SLC4A1: variants seen among roughly 807,000 people sequenced by gnomAD.
The protein encoded by SLC4A1 is solute carrier family 4 member 1 (Diego blood group).
In SLC4A1, 29 loss-of-function variants were observed where a neutral mutation model predicts 93.1. The ratio of observed to expected loss-of-function variants is 0.31; its 90% confidence interval spans 0.23 to 0.42. The LOEUF (loss-of-function observed/expected upper bound fraction) is 0.42, where lower values mean the gene tolerates loss of function less well. Ranked by LOEUF, SLC4A1 falls within the 20% of genes least tolerant of loss-of-function variation. SLC4A1 has a pLI of 1.00. For synonymous variants in SLC4A1, 469 were observed against 497.2 expected, an observed-to-expected ratio of 0.94 and a Z score of 0.76; for missense variants, 965 against 1,190.1, an observed-to-expected ratio of 0.81 and a Z score of 2.78.
rs750795700 is a variant in SLC4A1, at chr17:44,258,284, C to T, written c.1088-104G>A. 169 of 1,424,270 alleles carry T rather than the reference C, an allele frequency of 1.2e-4. 1 individual carries two copies. Among genetic ancestry groups the T allele is most frequent in the Non-Finnish European group, 1.5e-4 (156 of 1,011,306 alleles). 88.2% of individuals were successfully genotyped at this position (1,424,270 alleles called of 1,614,324 possible). On this transcript the variant is annotated intron_variant, in intron 10 of 19. Transcript: ENST00000262418. The surrounding 1 kb of genome is among the most constrained non-coding windows in gnomAD (Gnocchi z 6.1). ...AGATTGTCTGATGGGAATGGGGCGG[C>T]GAAGAAGTCTGGAAGATGTGGGCAA...
intron 19 of SLC4A1, among the ~76,000 whole-genome samples, chr17:44,250,938 C>T (rs146009408): frequency 1.3e-5 from 2 of 152,338 alleles, no homozygotes; most frequent in East Asian, 3.9e-4. Context: ...ACGCTCTCCC[C>T]AGTCGTGCCA....
rs576351762 is a variant in SLC4A1, at chr17:44,259,907, C to A, written c.511G>T (p.Gly171Trp). The change falls in exon 7 of 20, where the codon GGG (glycine) becomes TGG (tryptophan). Residue 171 changes from glycine to tryptophan, a missense_variant. This residue lies in a region of SLC4A1 where 770 missense variants were observed against 1,006.6 expected (regional missense o/e 0.76). Coordinates refer to ENST00000262418, the MANE Select transcript of SLC4A1 (RefSeq NM_000342.4). ...GTCAGGACTGCAGGCTTCACACCCCCCAGGGCCTCCAGCTCTCCAGCGTGG... is the reference window on the plus strand; with the variant it reads ...GTCAGGACTGCAGGCTTCACACCCCACAGGGCCTCCAGCTCTCCAGCGTGG... ...HSHAGELEAL[G>W]GVKPAVLTRS... The A allele has an allele frequency of 6.8e-6, 11 of 1,614,038 alleles. No individual in the cohort carries two copies. The East Asian group carries it at 2.0e-4, about 29-fold the overall frequency.
rs747517534 is a variant in SLC4A1 at position 44,258,053 on chromosome 17, G to A, written c.1215C>T (p.Val405=). The A allele has an allele frequency of 6.2e-7, 1 of 1,614,084 alleles. No individual in the cohort carries two copies. The change falls in exon 11 of 20, where the codon GTC becomes GTT. Residue 405 remains valine, a synonymous_variant. Coordinates refer to ENST00000262418, the MANE Select transcript of SLC4A1 (RefSeq NM_000342.4). This position sits in a 1 kb window ranked among gnomAD's most constrained non-coding sequence, Gnocchi z 6.1. The stretch of plus-strand genomic sequence containing the variant: ...AGTAGATGAAGATGACGGCAGCCAG[G>A]ACCTGGGGGCTGAATGCATCTGTGA... ...SDITDAFSPQ[V]LAAVIFIYFA... is the part of the protein sequence containing the mutation.
intron 1 of SLC4A1, among the ~76,000 whole-genome samples, chr17:44,264,440 A>G (rs972732146): frequency 1.3e-5 from 2 of 152,234 alleles, no homozygotes. Context: ...CCTGGGTGAC[A>G]GAGTGAGACT....
At chr17:44,260,897 G>GTGCT in intron 4 of SLC4A1, 82 bp from the exon 5 acceptor site, 1 of 1,480,706 alleles carries the variant, frequency 6.8e-7, no homozygotes, top group Non-Finnish European at 9.3e-7. Context: ...AGAGAGGCTT[G>GTGCT]TGCTTGTGAG....
At position 44,250,288 on chromosome 17, in the gene SLC4A1, T is replaced by C; in HGVS notation, c.*170A>G. ...CCCAGCCAGAAAAGCCAGGCTACCC[T>C]TTGTGGAAGGTCTCCTGGACACGCC... is the stretch of plus-strand genomic sequence containing the variant. On this transcript the variant is annotated 3_prime_UTR_variant, in exon 20 of 20. Coordinates refer to ENST00000262418, the MANE Select transcript of SLC4A1 (RefSeq NM_000342.4). 1 of 630,158 alleles carries C rather than the reference T, an allele frequency of 1.6e-6. No individual in the cohort carries two copies. 39.0% of individuals were successfully genotyped at this position (630,158 alleles called of 1,614,324 possible).
At position 44,248,711 on chromosome 17, in the gene SLC4A1, G is replaced by T. The variant is rs1030326867; in HGVS notation, c.*1747C>A. ...ATGGGCGAAGTGGTGAAAGGTGGGT[G>T]TCAGCTTTCAGGGACAGGAGAGCCT... On this transcript the variant is annotated 3_prime_UTR_variant, in exon 20 of 20. Transcript: ENST00000262418. 6.4e-6 allele frequency: 1 copy of T among 155,894 alleles called. No homozygotes were observed. Among genetic ancestry groups the T allele is most frequent in the African/African-American group, 2.4e-5 (1 of 41,430 alleles). The allele number at this position is 155,894 out of a possible 1,614,324, so 9.7% of individuals were successfully genotyped here. A position where few individuals can be genotyped will look rare whatever the true frequency, so the allele number is the denominator to read the frequency against.
rs1276556377 is a variant in SLC4A1, at chr17:44,250,326, C to T, written c.*132G>A. 2.6e-6 allele frequency: 2 copies of T among 768,702 alleles called. No homozygotes were observed. The highest frequency in any genetic ancestry group is 4.5e-6 in the Non-Finnish European group (2 of 444,052). 47.6% of individuals were successfully genotyped at this position (768,702 alleles called of 1,614,324 possible). On this transcript the variant is annotated 3_prime_UTR_variant, in exon 20 of 20. Transcript: ENST00000262418. ...TCCTGGACACGCCTTCCTTCCCCAC[C>T]CACAGCCCTGGGGCCTCAGCTGCTG...
At chr17:44,262,784 A>G (rs1019803971) in intron 2 of SLC4A1, 58 bp from the exon 3 acceptor site, 1 of 1,609,060 alleles carries the variant, frequency 6.2e-7, no homozygotes, top group Non-Finnish European at 8.5e-7. Flanking sequence ...CCCAACGAAG[A>G]TAGGAGTCTA....
At chr17:44,256,740 A>G (rs2047392304) in intron 13 of SLC4A1, among the ~76,000 whole-genome samples, 1 of 152,206 alleles carries the variant, frequency 6.6e-6, no homozygotes, top group African/African-American at 2.4e-5. Context: ...ACATGTGCAC[A>G]CAGAGGCACC....
Position 44,258,257 on chromosome 17 carries a change from G to A in SLC4A1, c.1088-77C>T. 1 of 1,490,528 alleles carries A rather than the reference G, an allele frequency of 6.7e-7. No homozygotes were observed. Among genetic ancestry groups the A allele is most frequent in the South Asian group, 1.1e-5 (1 of 88,536 alleles). 92.3% of individuals were successfully genotyped at this position (1,490,528 alleles called of 1,614,324 possible). ...GGGAAAGGGGACTGGAGGGTGTAGGGGAGATTGTCTGATGGGAATGGGGCG... is the reference window on the plus strand; with the variant it reads ...GGGAAAGGGGACTGGAGGGTGTAGGAGAGATTGTCTGATGGGAATGGGGCG... On this transcript the variant is annotated intron_variant, in intron 10 of 19. Transcript: ENST00000262418. This position sits in a 1 kb window ranked among gnomAD's most constrained non-coding sequence, Gnocchi z 6.1.
At chr17:44,255,605 T>C in intron 14 of SLC4A1, 68 bp downstream of exon 14, 2 of 1,505,696 alleles carry the variant, frequency 1.3e-6, no homozygotes, top group South Asian at 1.1e-5. Flanking sequence ...CTGAGGAATT[T>C]GGAGCGGGGG....
chr17:44,251,158 C>G lies in SLC4A1; in HGVS notation c.2655+1G>C. 6.3e-7 allele frequency: 1 copy of G among 1,596,774 alleles called. No homozygotes were observed. Among genetic ancestry groups the G allele is most frequent in the Non-Finnish European group, 8.5e-7 (1 of 1,171,768 alleles). On this transcript the variant is annotated splice_donor_variant, in intron 19 of 19. Transcript: ENST00000262418. LOFTEE classifies it high-confidence loss of function. ...TGCCCCAGGCCCAGGCAGCCACTCA[C>G]ACACTGAAGCTCCACGTTCCTGAAG...
intron 14 of SLC4A1, 56 bp downstream of exon 14, chr17:44,255,617 G>A (rs779748770): frequency 3.5e-5 from 54 of 1,554,030 alleles, no homozygotes; most frequent in Non-Finnish European, 4.6e-5. Flanking sequence ...GAGCGGGGGG[G>A]CTTTGGGCTG....
In SLC4A1 at chr17:44,253,348, C is replaced by A; in HGVS notation, c.2081G>T (p.Arg694Leu). ...GAAGCCGGAGCCCTTGACCATCTTG[C>A]GCTCAGGTTTGCTGACAATCAGCCT... ...ITTLIVSKPE[R>L]KMVKGSGFHL... Residue 694 changes from arginine (R) to leucine (L), a missense_variant, in exon 17 of 20, where the codon CGC (arginine) becomes CTC (leucine). Around this residue, in one of 2 missense-constraint regions of SLC4A1, gnomAD observed 770 missense variants for 1,006.6 expected, o/e 0.76. Coordinates refer to ENST00000262418, the MANE Select transcript of SLC4A1 (RefSeq NM_000342.4). 2.5e-6 allele frequency: 4 copies of A among 1,612,884 alleles called. No individual in the cohort carries two copies. Among genetic ancestry groups the A allele is most frequent in the Non-Finnish European group, 3.4e-6 (4 of 1,179,066 alleles).
intron 6 of SLC4A1, 140 bp downstream of exon 6, chr17:44,260,264 A>T: frequency 9.1e-7 from 1 of 1,095,856 alleles, no homozygotes; most frequent in Non-Finnish European, 1.3e-6. Context: ...GGTGTCAGAG[A>T]TGGGAGCCAT....
At position 44,258,317 on chromosome 17, in the gene SLC4A1, G is replaced by A. The variant is rs13306775; in HGVS notation, c.1087+96C>T. On this transcript the variant is annotated intron_variant, in intron 10 of 19. Coordinates refer to ENST00000262418, the MANE Select transcript of SLC4A1 (RefSeq NM_000342.4). This position sits in a 1 kb window ranked among gnomAD's most constrained non-coding sequence, Gnocchi z 6.1. ...TCTGGAAGATGTGGGCAAAGGGAGC[G>A]ATGAGAGGGGAACATGTGATGGGAG... 207,534 of 1,412,766 alleles carry A rather than the reference G, an allele frequency of 0.15. 16,945 individuals carry two copies. Among genetic ancestry groups the A allele is most frequent in the African/African-American group, 0.31 (21,717 of 70,694 alleles). 87.5% of individuals were successfully genotyped at this position (1,412,766 alleles called of 1,614,324 possible). A position where few individuals can be genotyped will look rare whatever the true frequency, so the allele number is the denominator to read the frequency against.
chr17:44,254,461 A>AAC, intron 16 of SLC4A1, 35 bp downstream of exon 16: 23 of 654,124 alleles, frequency 3.5e-5, no homozygotes, highest in Non-Finnish European at 5.9e-5. Context: ...CCTGCCTCCC[A>AAC]CCCTCCCAGG....
chr17:44,258,520 G>T lies in SLC4A1; in HGVS notation c.980C>A (p.Pro327His), dbSNP rs28931583. 20 of 1,613,902 alleles carry T rather than the reference G, an allele frequency of 1.2e-5. No individual in the cohort carries two copies. The highest frequency in any genetic ancestry group is 3.3e-5 in the Admixed American group (2 of 60,004). The change falls in exon 10 of 20, where the codon CCC becomes CAC. Residue 327 changes from proline to histidine, a missense_variant. Transcript: ENST00000262418. The surrounding 1 kb of genome is among the most constrained non-coding windows in gnomAD (Gnocchi z 6.1). ...CSLVLPPTDA[P>H]SEQALLSLVP... ...CAGACTGAGCAGTGCCTGCTCGGAG[G>T]GGGCATCGGTGGGAGGCAGCACTAG... is the stretch of plus-strand genomic sequence containing the variant.
Sources: gnomAD v4.1 joint callset for allele counts (sites outside exome capture counted in the v4.1 genomes callset) on GRCh38, gnomAD v4.1.1 for gene constraint, gnomAD v4.1.1 regional missense constraint, Gnocchi (gnomAD v3.1) non-coding constraint, MANE v1.5 for transcripts, NCBI Gene and HGNC (gene_info 2026-07-23, HGNC 2026-07-21) for gene names.